RIMS3: variants seen among roughly 807,000 people sequenced by gnomAD.
The protein encoded by RIMS3 is regulating synaptic membrane exocytosis protein 3.
In RIMS3, 15 loss-of-function variants were observed where a neutral mutation model predicts 29.2. That is an observed-to-expected ratio of 0.51 (90% CI 0.34 to 0.79). The LOEUF is 0.79. Ranked by LOEUF, RIMS3 falls within the 30% of genes least tolerant of loss-of-function variation. The pLI, the probability that RIMS3 is intolerant of heterozygous loss-of-function variation, is 0.01. For missense variants in RIMS3, 342 were observed against 421.4 expected, an observed-to-expected ratio of 0.81 and a Z score of 1.65; for synonymous variants, 161 against 170.1, an observed-to-expected ratio of 0.95 and a Z score of 0.41.
At chr1:40,643,730 C>T (rs1570184763) in intron 2 of RIMS3, among the ~76,000 whole-genome samples, 2 of 152,290 alleles carry the variant, frequency 1.3e-5, no homozygotes, top group Admixed American at 6.5e-5. Context: ...CCACCCACCT[C>T]GGCCTCCCAA....
chr1:40,628,677 G>T lies in RIMS3; in HGVS notation c.714+133C>A, dbSNP rs151153448. 17 of 1,255,298 alleles carry T rather than the reference G, an allele frequency of 1.4e-5. No homozygotes were observed. In the Admixed American group the frequency reaches 1.7e-4, roughly 13 times the overall value. The allele number at this position is 1,255,298 out of a possible 1,614,324, so 77.8% of individuals were successfully genotyped here. Reference sequence around the variant, plus strand: ...GGACAGTAATACCTCACAGGGTTGTGAAAGTAAATGAGTAACGCAAATTAA... The same window carrying T: ...GGACAGTAATACCTCACAGGGTTGTTAAAGTAAATGAGTAACGCAAATTAA... On this transcript the variant is annotated intron_variant, in intron 7 of 7. Transcript: ENST00000372684.
At chr1:40,645,570 A>T (rs914436216) in intron 2 of RIMS3, among the ~76,000 whole-genome samples, 1 of 152,148 alleles carries the variant, frequency 6.6e-6, no homozygotes, top group Non-Finnish European at 1.5e-5. Context: ...GAAAGTGTCT[A>T]TATGAGAAAA....
At chr1:40,649,864 C>T (rs1205434663) in intron 1 of RIMS3, among the ~76,000 whole-genome samples, 2 of 152,174 alleles carry the variant, frequency 1.3e-5, no homozygotes, top group African/African-American at 4.8e-5. Flanking sequence ...ACGGGTAGCC[C>T]TCTGAGGGTA....
chr1:40,685,287 ATATATATAT>A, the RIMS3 span, among the ~76,000 whole-genome samples: 21 of 45,618 alleles, frequency 4.6e-4, no homozygotes, highest in Non-Finnish European at 7.7e-4. Context: ...TAATTTATTA[ATATATATAT>A]TATATATATT....
the RIMS3 span, among the ~76,000 whole-genome samples, chr1:40,686,015 G>T: frequency 2.6e-5 from 4 of 152,108 alleles, no homozygotes; most frequent in African/African-American, 4.8e-5. Flanking sequence ...TGGGTGTGGT[G>T]GTGGGCACCT....
At chr1:40,633,392 C>T (rs1309953296) in intron 4 of RIMS3, among the ~76,000 whole-genome samples, 1 of 152,370 alleles carries the variant, frequency 6.6e-6, no homozygotes, top group East Asian at 1.9e-4. Flanking sequence ...TTTGATGTCA[C>T]TTGAGAAAAT....
Position 40,620,872 on chromosome 1 carries a change from G to C in RIMS3, c.*5645C>G, listed in dbSNP as rs1294888139. On this transcript the variant is annotated 3_prime_UTR_variant, in exon 8 of 8. Transcript: ENST00000372684. Reference sequence around the variant, plus strand: ...AGATGCTGCACATAGAAAATGTATAGAGCACAGATATAAAAGGCTAATTGC... The same window carrying C: ...AGATGCTGCACATAGAAAATGTATACAGCACAGATATAAAAGGCTAATTGC... 2.6e-5 allele frequency: 4 copies of C among 152,626 alleles called. No homozygotes were observed. The highest frequency in any genetic ancestry group is 4.4e-5 in the Non-Finnish European group (3 of 68,046). The allele number at this position is 152,626 out of a possible 1,614,324, so 9.5% of individuals were successfully genotyped here.
chr1:40,683,704 C>G, the RIMS3 span, among the ~76,000 whole-genome samples: 3 of 152,246 alleles, frequency 2.0e-5, no homozygotes, highest in African/African-American at 7.2e-5. Context: ...CACTAACCAT[C>G]TTTCAAATGC....
intron 5 of RIMS3, among the ~76,000 whole-genome samples, 190 bp from the exon 6 acceptor site, chr1:40,629,562 GTCCC>G (rs1257032636): frequency 6.6e-6 from 1 of 152,102 alleles, no homozygotes; most frequent in African/African-American, 2.4e-5. Context: ...CCTTTGATAG[GTCCC>G]TTGGGGTGGG....
At chr1:40,645,544 T>C (rs1172799570) in intron 2 of RIMS3, among the ~76,000 whole-genome samples, 1 of 152,110 alleles carries the variant, frequency 6.6e-6, no homozygotes, top group Non-Finnish European at 1.5e-5. Flanking sequence ...TCTGGGCCCT[T>C]TGAGAAAACT....
intron 4 of RIMS3, among the ~76,000 whole-genome samples, chr1:40,634,277 C>T (rs1294932397): frequency 6.6e-6 from 1 of 152,284 alleles, no homozygotes. Flanking sequence ...GCTGTGTATG[C>T]TTGTCAGAGA....
the RIMS3 span, among the ~76,000 whole-genome samples, chr1:40,683,535 T>C: frequency 6.6e-6 from 1 of 152,272 alleles, no homozygotes; most frequent in Admixed American, 6.5e-5. Flanking sequence ...GCTGGTGCCA[T>C]GCTCTTGGGC....
chr1:40,640,878 G>A (rs182099920), intron 3 of RIMS3, among the ~76,000 whole-genome samples: 1 of 152,344 alleles, frequency 6.6e-6, no homozygotes, highest in African/African-American at 2.4e-5. Context: ...GTCTGTGCAT[G>A]TGTAATCAGA....
chr1:40,657,386 T>G (rs9439029), intron 1 of RIMS3, among the ~76,000 whole-genome samples: 1,609 of 152,026 alleles, frequency 0.011, 35 homozygotes, highest in African/African-American at 0.037. Context: ...TCACCGAGAT[T>G]AAGAGAGGTG....
chr1:40,667,171 C>T (rs1321266756), upstream of RIMS3, among the ~76,000 whole-genome samples: 1 of 152,190 alleles, frequency 6.6e-6, no homozygotes, highest in Non-Finnish European at 1.5e-5. Flanking sequence ...TGAGGCCCTA[C>T]AATGTGAAAA....
chr1:40,656,522 G>A (rs1259123835), intron 1 of RIMS3, among the ~76,000 whole-genome samples: 1 of 152,108 alleles, frequency 6.6e-6, no homozygotes, highest in African/African-American at 2.4e-5. Flanking sequence ...GGTGGCTCAC[G>A]CCTGTAATCC....
At chr1:40,691,237 G>C in the RIMS3 span, 1 of 155,538 alleles carries the variant, frequency 6.4e-6, no homozygotes, top group Non-Finnish European at 1.4e-5. Context: ...TTTACAGTTT[G>C]GTGCTAAATG....
At chr1:40,689,286 T>G in the RIMS3 span, among the ~76,000 whole-genome samples, 1 of 152,070 alleles carries the variant, frequency 6.6e-6, no homozygotes, top group Admixed American at 6.5e-5. Context: ...TGCCATTTCT[T>G]TCTTTCTTTT....
the RIMS3 span, among the ~76,000 whole-genome samples, chr1:40,686,513 C>T: frequency 5.7e-4 from 87 of 152,070 alleles, no homozygotes; most frequent in African/African-American, 2.0e-3. Context: ...AAAAATTAGC[C>T]GAGCATGGTC....
Sources: allele counts gnomAD v4.1 joint callset (sites outside exome capture counted in the v4.1 genomes callset), GRCh38; gene constraint gnomAD v4.1.1; transcripts MANE v1.5; gene names NCBI Gene and HGNC (gene_info 2026-07-23, HGNC 2026-07-21).